Variants in NPAS3 observed in about 807,000 individuals in gnomAD.
NPAS3 encodes neuronal PAS domain-containing protein 3.
Under a neutral mutation model 73.1 loss-of-function variants are expected in NPAS3, and 14 were observed. The observed-to-expected ratio is 0.19, with a 90% CI of 0.13 to 0.30. NPAS3 has a LOEUF of 0.30. Ranked by LOEUF, NPAS3 falls within the 10% of genes least tolerant of loss-of-function variation. The pLI is 1.00. For synonymous variants in NPAS3, 620 were observed against 541.5 expected, an observed-to-expected ratio of 1.14 and a Z score of -2.01; for missense variants, 1,096 against 1,250.0, an observed-to-expected ratio of 0.88 and a Z score of 1.86.
At chr14:33,015,951 GAA>G (rs1353206595) in intron 1 of NPAS3, among the ~76,000 whole-genome samples, 1 of 152,148 alleles carries the variant, frequency 6.6e-6, no homozygotes, top group Non-Finnish European at 1.5e-5. Flanking sequence ...TAAAATAATT[GAA>G]AAGAGTAGTT....
At chr14:33,587,906 TAGA>T (rs1353942922) in intron 5 of NPAS3, among the ~76,000 whole-genome samples, 1 of 152,228 alleles carries the variant, frequency 6.6e-6, no homozygotes, top group Non-Finnish European at 1.5e-5. Flanking sequence ...ATCCAATATG[TAGA>T]AGAACTCTGC....
At chr14:33,317,634 C>T (rs923470113) in intron 3 of NPAS3, among the ~76,000 whole-genome samples, 2 of 151,940 alleles carry the variant, frequency 1.3e-5, no homozygotes, top group African/African-American at 4.8e-5. Context: ...GGGGCTTTTC[C>T]CCTTTTGCTT....
chr14:33,519,332 G>T (rs769639772), intron 4 of NPAS3, among the ~76,000 whole-genome samples: 1 of 152,022 alleles, frequency 6.6e-6, no homozygotes, highest in African/African-American at 2.4e-5. Context: ...CTCTTCTCGT[G>T]CCCAGCTTCC....
intron 3 of NPAS3, among the ~76,000 whole-genome samples, chr14:33,278,538 G>A (rs2041444099): frequency 6.6e-6 from 1 of 151,106 alleles, no homozygotes; most frequent in Admixed American, 6.6e-5. Context: ...ACGATAAGGG[G>A]AAAAAAAAGA....
intron 2 of NPAS3, among the ~76,000 whole-genome samples, chr14:33,127,282 A>G (rs2043461698): frequency 1.3e-5 from 2 of 152,072 alleles, no homozygotes; most frequent in East Asian, 1.9e-4. Context: ...TTATCTAGTG[A>G]AGGACCTCCC....
chr14:33,697,380 A>G (rs17487422), intron 6 of NPAS3, among the ~76,000 whole-genome samples: 17,331 of 152,244 alleles, frequency 0.11, 1,293 homozygotes, highest in Middle Eastern at 0.18. Flanking sequence ...GTTCTTGATT[A>G]GGATGATCAC....
At chr14:33,332,977 T>C (rs74042045) in intron 3 of NPAS3, among the ~76,000 whole-genome samples, 3,653 of 152,338 alleles carry the variant, frequency 0.024, 140 homozygotes, top group African/African-American at 0.082. Context: ...CAATTCTCCT[T>C]CAATTACTGA....
At chr14:33,120,640 G>A (rs922625059) in intron 2 of NPAS3, among the ~76,000 whole-genome samples, 3 of 152,066 alleles carry the variant, frequency 2.0e-5, no homozygotes, top group Non-Finnish European at 4.4e-5. Flanking sequence ...AATAGCATTG[G>A]CATTTCCTGG....
chr14:33,358,661 G>A lies in NPAS3; in HGVS notation c.386-8525G>A, dbSNP rs57300173. Among the ~76,000 whole-genome samples, 2,865 of 152,246 alleles carry A rather than the reference G, an allele frequency of 0.019. 168 individuals carry two copies. In the East Asian group the frequency reaches 0.22, roughly 12 times the overall value. ...TTGCATATTGTTCATTTGCTTATATGTCAGTATCCCAGTAGACTCTGATGA... is the reference window on the plus strand; with the variant it reads ...TTGCATATTGTTCATTTGCTTATATATCAGTATCCCAGTAGACTCTGATGA... On this transcript the variant is annotated intron_variant, in intron 3 of 11. Coordinates refer to ENST00000356141, the Ensembl canonical transcript of NPAS3.
intron 2 of NPAS3, among the ~76,000 whole-genome samples, chr14:33,095,205 G>A (rs952947703): frequency 6.6e-6 from 1 of 152,184 alleles, no homozygotes; most frequent in Admixed American, 6.5e-5. Flanking sequence ...ACCTTTTGTG[G>A]TTGAAAGGTA....
chr14:33,709,666 A>G (rs1381365090), intron 6 of NPAS3, among the ~76,000 whole-genome samples: 2 of 152,138 alleles, frequency 1.3e-5, no homozygotes, highest in African/African-American at 4.8e-5. Flanking sequence ...TCCACATATC[A>G]CCATTTTATA....
intron 3 of NPAS3, among the ~76,000 whole-genome samples, chr14:33,294,826 C>T (rs17100563): frequency 0.23 from 35,293 of 152,058 alleles, 4,329 homozygotes; most frequent in African/African-American, 0.31. Context: ...AGGGAGAGAG[C>T]TTTGGCAGAT....
chr14:33,798,915 C>A (rs553879221), intron 11 of NPAS3, among the ~76,000 whole-genome samples: 2 of 140,486 alleles, frequency 1.4e-5, no homozygotes, highest in African/African-American at 5.3e-5. Context: ...CTGAGGTGGG[C>A]GCATTGCTTG....
intron 1 of NPAS3, among the ~76,000 whole-genome samples, chr14:33,048,824 G>C (rs1043117909): frequency 7.2e-5 from 11 of 152,186 alleles, no homozygotes; most frequent in Non-Finnish European, 1.3e-4. Context: ...ACACTTACTG[G>C]ATGAAAGTTC....
chr14:33,149,454 T>G (rs2044367036), intron 2 of NPAS3, among the ~76,000 whole-genome samples: 1 of 152,234 alleles, frequency 6.6e-6, no homozygotes, highest in Non-Finnish European at 1.5e-5. Flanking sequence ...CAGCCATAAA[T>G]AAAGTGTACT....
intron 5 of NPAS3, among the ~76,000 whole-genome samples, chr14:33,674,755 T>G (rs578182098): frequency 6.6e-6 from 1 of 152,374 alleles, no homozygotes; most frequent in South Asian, 2.1e-4. Flanking sequence ...TTTTCAGGAA[T>G]AGCTATTAAC....
intron 5 of NPAS3, among the ~76,000 whole-genome samples, chr14:33,668,300 T>C (rs560024550): frequency 1.3e-5 from 2 of 152,360 alleles, no homozygotes; most frequent in East Asian, 3.9e-4. Flanking sequence ...TTGAAAACAC[T>C]GAGGAACGAC....
At chr14:33,617,232 T>G (rs2057946973) in intron 5 of NPAS3, among the ~76,000 whole-genome samples, 1 of 152,196 alleles carries the variant, frequency 6.6e-6, no homozygotes, top group Non-Finnish European at 1.5e-5. Flanking sequence ...ATGATCAAGT[T>G]TTCAAGTCTG....
intron 7 of NPAS3, among the ~76,000 whole-genome samples, chr14:33,740,008 C>T (rs1200321727): frequency 6.6e-6 from 1 of 152,154 alleles, no homozygotes; most frequent in Non-Finnish European, 1.5e-5. Flanking sequence ...TATCCCTTCT[C>T]TTCTGTGCTA....
Sources: gnomAD v4.1 joint callset for allele counts (sites outside exome capture counted in the v4.1 genomes callset) on GRCh38, gnomAD v4.1.1 for gene constraint, MANE v1.5 for transcripts, NCBI Gene and HGNC (gene_info 2026-07-23, HGNC 2026-07-21) for gene names.